The following AGBL4 variants were observed in gnomAD, a reference collection of about 807,000 sequenced individuals.
The protein encoded by AGBL4 is cytosolic carboxypeptidase 6.
AGBL4 carries 58 observed loss-of-function variants against 66.4 expected under a neutral mutation model. That is an observed-to-expected ratio of 0.87 (90% CI 0.71 to 1.09). The LOEUF is 1.09. Ranked by LOEUF, AGBL4 falls within the 50% of genes least tolerant of loss-of-function variation. AGBL4 has a pLI of 0.00. For missense variants in AGBL4, 579 were observed against 631.0 expected, an observed-to-expected ratio of 0.92 and a Z score of 0.88; for synonymous variants, 234 against 222.9, an observed-to-expected ratio of 1.05 and a Z score of -0.44.
intron 3 of AGBL4, among the ~76,000 whole-genome samples, chr1:49,550,617 T>G (rs190278183): frequency 5.3e-5 from 8 of 152,310 alleles, no homozygotes; most frequent in Non-Finnish European, 1.0e-4. Flanking sequence ...TTGAGGAGGC[T>G]GAAGATAGGG....
At chr1:48,730,266 T>C (rs1487365099) in intron 6 of AGBL4, among the ~76,000 whole-genome samples, 1 of 152,156 alleles carries the variant, frequency 6.6e-6, no homozygotes, top group East Asian at 1.9e-4. Context: ...AGTGACTTTG[T>C]AGGAACCTGA....
chr1:49,752,576 T>G (rs1012299008), intron 2 of AGBL4, among the ~76,000 whole-genome samples: 2 of 152,156 alleles, frequency 1.3e-5, no homozygotes, highest in Non-Finnish European at 2.9e-5. Context: ...TCTGTAGACG[T>G]CTATTGGGTC....
intron 5 of AGBL4, among the ~76,000 whole-genome samples, chr1:48,909,146 T>A (rs1425838439): frequency 6.6e-6 from 1 of 152,256 alleles, no homozygotes; most frequent in Non-Finnish European, 1.5e-5. Context: ...CTATGCTTAT[T>A]TGAGTATGCC....
chr1:48,640,051 G>A (rs927099499), intron 8 of AGBL4, among the ~76,000 whole-genome samples: 5 of 151,968 alleles, frequency 3.3e-5, no homozygotes, highest in Non-Finnish European at 1.5e-5. Context: ...CTGTCTCCTT[G>A]GTGCTCTTGT....
At chr1:49,831,638 CAAT>C (rs1645682935) in intron 2 of AGBL4, among the ~76,000 whole-genome samples, 1 of 152,120 alleles carries the variant, frequency 6.6e-6, no homozygotes. Flanking sequence ...CCAGAACTTC[CAAT>C]AATATGTTGA....
At chr1:49,990,391 A>T (rs567704984) in intron 1 of AGBL4, among the ~76,000 whole-genome samples, 1 of 152,188 alleles carries the variant, frequency 6.6e-6, no homozygotes, top group South Asian at 2.1e-4. Flanking sequence ...TGGTTTTATA[A>T]GGGTTTGGCC....
intron 5 of AGBL4, among the ~76,000 whole-genome samples, chr1:48,886,853 G>A (rs946476495): frequency 6.6e-6 from 1 of 152,072 alleles, no homozygotes; most frequent in Non-Finnish European, 1.5e-5. Flanking sequence ...GCCCAGCCAC[G>A]GTCAGCCACA....
chr1:49,053,917 C>T (rs1337250720), intron 4 of AGBL4, among the ~76,000 whole-genome samples: 1 of 152,060 alleles, frequency 6.6e-6, no homozygotes, highest in Non-Finnish European at 1.5e-5. Context: ...GCTGAAGAAA[C>T]ATCAACATCT....
chr1:48,768,340 A>G (rs1372713857), intron 6 of AGBL4, among the ~76,000 whole-genome samples: 1 of 152,174 alleles, frequency 6.6e-6, no homozygotes, highest in Non-Finnish European at 1.5e-5. Flanking sequence ...GGAAGCCACA[A>G]AGCTCTAAAT....
chr1:49,191,410 C>T (rs1398673130), intron 4 of AGBL4, among the ~76,000 whole-genome samples: 4 of 152,170 alleles, frequency 2.6e-5, no homozygotes, highest in African/African-American at 9.7e-5. Flanking sequence ...TGCTGGCATA[C>T]TATGTGTATG....
chr1:48,661,098 C>T (rs1646099902), intron 7 of AGBL4, among the ~76,000 whole-genome samples: 1 of 132,212 alleles, frequency 7.6e-6, no homozygotes, highest in South Asian at 2.6e-4. Context: ...CTAGACCTTA[C>T]ACAGCTCGTG....
chr1:49,947,721 G>T (rs904793619), intron 1 of AGBL4, among the ~76,000 whole-genome samples: 1 of 150,298 alleles, frequency 6.7e-6, no homozygotes, highest in African/African-American at 2.5e-5. Flanking sequence ...AGAAATAAAG[G>T]GCATCCAAAT....
intron 6 of AGBL4, among the ~76,000 whole-genome samples, chr1:48,734,963 G>C (rs2148570519): frequency 6.6e-6 from 1 of 152,314 alleles, no homozygotes; most frequent in Non-Finnish European, 1.5e-5. Flanking sequence ...AAGACAGCCT[G>C]CTGGCTCGGG....
chr1:48,999,545 T>C (rs1340248392), intron 5 of AGBL4, among the ~76,000 whole-genome samples: 1 of 152,144 alleles, frequency 6.6e-6, no homozygotes, highest in African/African-American at 2.4e-5. Context: ...AGGAATGCAC[T>C]TGGCATGACG....
chr1:49,566,107 T>C (rs1644196055), intron 3 of AGBL4, among the ~76,000 whole-genome samples: 1 of 152,248 alleles, frequency 6.6e-6, no homozygotes, highest in Non-Finnish European at 1.5e-5. Flanking sequence ...TACTGAGGCT[T>C]ATGCATTCAT....
intron 4 of AGBL4, among the ~76,000 whole-genome samples, chr1:49,119,196 T>C (rs906947889): frequency 7.9e-5 from 12 of 152,112 alleles, no homozygotes; most frequent in Non-Finnish European, 1.3e-4. Flanking sequence ...TCTCTATCTC[T>C]TTCAATTCTG....
chr1:50,012,973 T>C (rs1308111788), intron 1 of AGBL4, among the ~76,000 whole-genome samples: 1 of 152,188 alleles, frequency 6.6e-6, no homozygotes, highest in African/African-American at 2.4e-5. Flanking sequence ...GAATCATAAT[T>C]TGTTTCAGTA....
intron 4 of AGBL4, among the ~76,000 whole-genome samples, chr1:49,190,006 T>C (rs1647085934): frequency 6.6e-6 from 1 of 152,226 alleles, no homozygotes; most frequent in Non-Finnish European, 1.5e-5. Flanking sequence ...AGACTAGAGA[T>C]ATTAGCTGTG....
intron 2 of AGBL4, among the ~76,000 whole-genome samples, chr1:49,735,572 T>C (rs1040419583): frequency 2.6e-5 from 4 of 152,118 alleles, no homozygotes; most frequent in African/African-American, 9.7e-5. Flanking sequence ...TAAAGCACTA[T>C]GTGATATGTA....
Sources: gnomAD v4.1 joint callset for allele counts (sites outside exome capture counted in the v4.1 genomes callset) on GRCh38, gnomAD v4.1.1 for gene constraint, MANE v1.5 for transcripts, NCBI Gene and HGNC (gene_info 2026-07-23, HGNC 2026-07-21) for gene names.